Variants in PLXNA4 observed in about 807,000 individuals in gnomAD.
PLXNA4 encodes plexin A4.
In PLXNA4, 44 loss-of-function variants were observed where a neutral mutation model predicts 191.8. The ratio of observed to expected loss-of-function variants is 0.23; its 90% CI spans 0.18 to 0.29. The LOEUF (loss-of-function observed/expected upper bound fraction) is 0.29. Among genes scored for constraint, PLXNA4 ranks in the 10% least tolerant of loss-of-function variants. PLXNA4 has a pLI of 1.00. For synonymous variants in PLXNA4, 1,082 were observed against 1,009.5 expected (o/e 1.07, Z -1.36); for missense variants, 1,800 against 2,488.8 (o/e 0.72, Z 5.89).
At chr7:132,450,381 C>G (rs1399755110) in intron 3 of PLXNA4, among the ~76,000 whole-genome samples, 1 of 152,172 alleles carries the variant, frequency 6.6e-6, no homozygotes, top group African/African-American at 2.4e-5. Flanking sequence ...TAGGTCTTTG[C>G]TCAGAGGTAG....
intron 2 of PLXNA4, among the ~76,000 whole-genome samples, chr7:132,506,639 C>T (rs1426040363): frequency 6.6e-6 from 1 of 152,184 alleles, no homozygotes; most frequent in Non-Finnish European, 1.5e-5. Flanking sequence ...GGATGCTTTT[C>T]ATGGTGGGGC....
At chr7:132,561,132 C>T (rs1222708926) in intron 1 of PLXNA4, among the ~76,000 whole-genome samples, 1 of 152,062 alleles carries the variant, frequency 6.6e-6, no homozygotes, top group African/African-American at 2.4e-5. Context: ...CACTTCCCAC[C>T]TCTGCCTTGA....
At chr7:132,579,325 G>C (rs556782871), upstream of PLXNA4, among the ~76,000 whole-genome samples, 13 of 152,166 alleles carry the variant, frequency 8.5e-5, no homozygotes, top group South Asian at 2.5e-3. Context: ...TGAAAGGAAG[G>C]GGGGAAGGTG....
At chr7:132,425,502 GCTC>G (rs1045636180) in intron 3 of PLXNA4, among the ~76,000 whole-genome samples, 13 of 152,110 alleles carry the variant, frequency 8.5e-5, no homozygotes, top group African/African-American at 3.1e-4. Context: ...GCCCCTCCTG[GCTC>G]CTCCTCCCCT....
intron 1 of PLXNA4, among the ~76,000 whole-genome samples, chr7:132,543,116 G>T (rs1800152583): frequency 6.6e-6 from 1 of 152,242 alleles, no homozygotes; most frequent in East Asian, 1.9e-4. Flanking sequence ...CTAGGATAAG[G>T]TATCTTCCTC....
intron 2 of PLXNA4, among the ~76,000 whole-genome samples, chr7:132,587,723 T>G (rs1027864738): frequency 3.2e-4 from 49 of 151,942 alleles, no homozygotes; most frequent in Admixed American, 5.9e-4. Flanking sequence ...AGGCCAAGGG[T>G]GGGACGAAGG....
intron 3 of PLXNA4, among the ~76,000 whole-genome samples, chr7:132,387,021 G>A (rs1323408463): frequency 1.3e-5 from 2 of 152,246 alleles, no homozygotes; most frequent in Non-Finnish European, 2.9e-5. Context: ...TTGAGTATGT[G>A]CTGGGATGTT....
intron 3 of PLXNA4, among the ~76,000 whole-genome samples, chr7:132,379,644 T>C (rs1452075015): frequency 1.3e-5 from 2 of 152,158 alleles, no homozygotes; most frequent in African/African-American, 2.4e-5. Context: ...GCAACCAGCA[T>C]AGTGGCAAGA....
At chr7:132,493,763 ATGGAT>A (rs1797899213) in intron 2 of PLXNA4, among the ~76,000 whole-genome samples, 1 of 148,848 alleles carries the variant, frequency 6.7e-6, no homozygotes, top group East Asian at 2.0e-4. Context: ...GGATGGATGG[ATGGAT>A]GGATGGATGG....
chr7:132,194,345 T>A (rs1046812602), intron 13 of PLXNA4, among the ~76,000 whole-genome samples, 166 bp from the exon 14 acceptor site: 11 of 152,194 alleles, frequency 7.2e-5, no homozygotes, highest in Non-Finnish European at 1.5e-4. Flanking sequence ...GGGCTTCTCC[T>A]TAATTGTCAG....
At chr7:132,185,961 A>G (rs1274200651) in intron 15 of PLXNA4, among the ~76,000 whole-genome samples, 5 of 152,216 alleles carry the variant, frequency 3.3e-5, no homozygotes, top group African/African-American at 1.2e-4. Context: ...TAGTCTTGAC[A>G]TCAGTTGCAA....
At chr7:132,596,240 A>G (rs1802707932) in intron 2 of PLXNA4, among the ~76,000 whole-genome samples, 1 of 152,112 alleles carries the variant, frequency 6.6e-6, no homozygotes, top group Non-Finnish European at 1.5e-5. Flanking sequence ...TTGTCCCTCT[A>G]TCCCCTAGAA....
chr7:132,419,204 G>T (rs570804896), intron 3 of PLXNA4, among the ~76,000 whole-genome samples: 15 of 152,160 alleles, frequency 9.9e-5, no homozygotes, highest in Admixed American at 2.6e-4. Flanking sequence ...ACAAGGAAAG[G>T]TTTCTACCTG....
intron 2 of PLXNA4, among the ~76,000 whole-genome samples, chr7:132,603,439 T>C (rs1802858391): frequency 6.6e-6 from 1 of 152,202 alleles, no homozygotes; most frequent in African/African-American, 2.4e-5. Flanking sequence ...CAGACAGTGA[T>C]TGTGTCTGGT....
Position 132,181,397 on chromosome 7 carries a change from G to A in PLXNA4, c.3476C>T (p.Thr1159Met), listed in dbSNP as rs774798274. 30 of 1,613,800 alleles carry A rather than the reference G, an allele frequency of 1.9e-5. No individual in the cohort carries two copies. The highest frequency in any genetic ancestry group is 2.3e-5 in the Non-Finnish European group (27 of 1,179,968). The change falls in exon 18 of 32, where the codon ACG becomes ATG. Residue 1159 changes from threonine (T) to methionine (M), a missense_variant. Physicochemically the swap from Thr to Met is moderately conservative, Grantham distance 81. Transcript: ENST00000321063. ...PSGILELKPG[T>M]PIILKGKNLI... ...TCACTCCACCTTTAGGATGATGGGC[G>A]TGCCAGGCTTGAGCTCCAGGATTCC...
chr7:132,458,934 G>A (rs1427861285), intron 3 of PLXNA4, among the ~76,000 whole-genome samples: 1 of 152,166 alleles, frequency 6.6e-6, no homozygotes, highest in African/African-American at 2.4e-5. Context: ...AATGAGGTTT[G>A]CCTATTACCA....
intron 10 of PLXNA4, among the ~76,000 whole-genome samples, chr7:132,206,470 G>GTGTGTT (rs1797622967): frequency 6.6e-6 from 1 of 151,000 alleles, no homozygotes; most frequent in Admixed American, 6.6e-5. Flanking sequence ...GTGTGTGTGT[G>GTGTGTT]TGCGCATGTG....
chr7:132,361,018 C>T (rs1803917643), intron 3 of PLXNA4, among the ~76,000 whole-genome samples: 1 of 152,354 alleles, frequency 6.6e-6, no homozygotes, highest in Non-Finnish European at 1.5e-5. Flanking sequence ...TTACTTCCAG[C>T]TGCCTGACAG....
intron 3 of PLXNA4, among the ~76,000 whole-genome samples, chr7:132,370,055 G>A (rs1804367479): frequency 7.3e-6 from 1 of 136,566 alleles, no homozygotes; most frequent in African/African-American, 3.0e-5. Context: ...GCGACAGAGT[G>A]AGACTCTGAC....
Sources: gnomAD v4.1 joint callset for allele counts (sites outside exome capture counted in the v4.1 genomes callset) on GRCh38, gnomAD v4.1.1 for gene constraint, MANE v1.5 for transcripts, NCBI Gene and HGNC (gene_info 2026-07-23, HGNC 2026-07-21) for gene names.